The following TMEM178B variants were observed in gnomAD, a reference collection of about 807,000 sequenced individuals.
The protein encoded by TMEM178B is transmembrane protein 178B.
In TMEM178B, 5 loss-of-function variants were observed where a neutral mutation model predicts 31.0. The observed-to-expected ratio is 0.16, with a 90% confidence interval of 0.08 to 0.34. The LOEUF (loss-of-function observed/expected upper bound fraction) is 0.34, where lower values mean the gene tolerates loss of function less well. Ranked by LOEUF, TMEM178B falls within the 10% of genes least tolerant of loss-of-function variation. TMEM178B has a pLI of 1.00. For synonymous variants in TMEM178B, 164 were observed against 164.0 expected, an observed-to-expected ratio of 1.00 and a Z score of 0.00; for missense variants, 275 against 400.3, an observed-to-expected ratio of 0.69 and a Z score of 2.67.
intron 3 of TMEM178B, among the ~76,000 whole-genome samples, chr7:141,458,619 CATT>C (rs1802008073): frequency 6.6e-6 from 1 of 151,968 alleles, no homozygotes; most frequent in Non-Finnish European, 1.5e-5. Context: ...AAACAGGAAA[CATT>C]TTTTTTTTGT....
chr7:141,312,068 T>C (rs1201802768), intron 2 of TMEM178B, among the ~76,000 whole-genome samples: 3 of 152,248 alleles, frequency 2.0e-5, no homozygotes, highest in Non-Finnish European at 2.9e-5. Flanking sequence ...CTCTACTCTG[T>C]AAGACCTCCT....
chr7:141,082,066 A>T (rs549405502), intron 1 of TMEM178B, among the ~76,000 whole-genome samples: 1 of 152,366 alleles, frequency 6.6e-6, no homozygotes, highest in East Asian at 1.9e-4. Context: ...GCCTTGGAGC[A>T]ATAGGCTATA....
chr7:141,177,429 G>A (rs1471542847), intron 1 of TMEM178B, among the ~76,000 whole-genome samples: 1 of 152,132 alleles, frequency 6.6e-6, no homozygotes, highest in Non-Finnish European at 1.5e-5. Flanking sequence ...TGTTGATTTG[G>A]GGTGGAGAGT....
At chr7:141,153,022 A>T (rs553762629) in intron 1 of TMEM178B, among the ~76,000 whole-genome samples, 1 of 152,362 alleles carries the variant, frequency 6.6e-6, no homozygotes, top group East Asian at 1.9e-4. Context: ...ATGGCTGATA[A>T]ATCGTGGAAC....
At chr7:141,237,922 C>T (rs897548231) in intron 2 of TMEM178B, among the ~76,000 whole-genome samples, 1 of 151,078 alleles carries the variant, frequency 6.6e-6, no homozygotes, top group South Asian at 2.1e-4. Context: ...ACTCGGGAGG[C>T]TGAGGCAGGA....
intron 2 of TMEM178B, among the ~76,000 whole-genome samples, chr7:141,404,862 G>A (rs1476857863): frequency 6.6e-6 from 1 of 152,122 alleles, no homozygotes; most frequent in African/African-American, 2.4e-5. Flanking sequence ...TGAGATCCAG[G>A]TATCCTGATG....
At chr7:141,248,075 G>A (rs535973598) in intron 2 of TMEM178B, among the ~76,000 whole-genome samples, 3 of 151,458 alleles carry the variant, frequency 2.0e-5, no homozygotes, top group Non-Finnish European at 2.9e-5. Flanking sequence ...CATTCTGCAA[G>A]TTGTTTCTTA....
intron 2 of TMEM178B, among the ~76,000 whole-genome samples, chr7:141,217,321 G>C (rs1797172862): frequency 1.3e-5 from 2 of 152,226 alleles, no homozygotes; most frequent in African/African-American, 4.8e-5. Context: ...ACAACAAGGG[G>C]AGGTGGCTGA....
intron 2 of TMEM178B, among the ~76,000 whole-genome samples, chr7:141,436,055 T>C (rs1000171107): frequency 3.9e-5 from 6 of 152,116 alleles, no homozygotes; most frequent in Non-Finnish European, 4.4e-5. Context: ...CAGTGTCTGA[T>C]GGTCAATGTC....
At chr7:141,132,725 G>A (rs905660570) in intron 1 of TMEM178B, among the ~76,000 whole-genome samples, 6 of 152,166 alleles carry the variant, frequency 3.9e-5, no homozygotes, top group African/African-American at 1.2e-4. Context: ...ACACACCCAA[G>A]CCACCATTGC....
chr7:141,488,113 A>G, the TMEM178B span, among the ~76,000 whole-genome samples: 2 of 152,202 alleles, frequency 1.3e-5, no homozygotes, highest in African/African-American at 2.4e-5. Flanking sequence ...TATATCTACA[A>G]GGTGAGTGGG....
chr7:141,114,776 G>T (rs938047759), intron 1 of TMEM178B, among the ~76,000 whole-genome samples: 1 of 152,200 alleles, frequency 6.6e-6, no homozygotes, highest in South Asian at 2.1e-4. Context: ...CTCAGACTCT[G>T]CTTAAGCGGG....
At chr7:141,346,908 G>A (rs1346581558) in intron 2 of TMEM178B, among the ~76,000 whole-genome samples, 2 of 152,172 alleles carry the variant, frequency 1.3e-5, no homozygotes, top group Admixed American at 6.5e-5. Context: ...GGGGCCTGAT[G>A]GGAGGTAATT....
intron 1 of TMEM178B, among the ~76,000 whole-genome samples, chr7:141,210,395 G>A (rs906495591): frequency 4.6e-4 from 70 of 152,170 alleles, no homozygotes; most frequent in African/African-American, 1.6e-3. Flanking sequence ...CCCGGGAGGC[G>A]GAGGTTGTGG....
At chr7:141,379,924 G>A (rs1800284583) in intron 2 of TMEM178B, among the ~76,000 whole-genome samples, 1 of 152,064 alleles carries the variant, frequency 6.6e-6, no homozygotes, top group African/African-American at 2.4e-5. Context: ...AATTCTACCA[G>A]AAAATCCTTT....
chr7:141,343,923 A>T (rs1161378962), intron 2 of TMEM178B, among the ~76,000 whole-genome samples: 1 of 152,130 alleles, frequency 6.6e-6, no homozygotes, highest in Admixed American at 6.5e-5. Context: ...CAAGCCCCTG[A>T]TCTCCTGTTG....
At chr7:141,215,473 G>A (rs531513742) in intron 2 of TMEM178B, among the ~76,000 whole-genome samples, 3 of 151,976 alleles carry the variant, frequency 2.0e-5, no homozygotes, top group Non-Finnish European at 2.9e-5. Context: ...CTACAGGCGT[G>A]TGCCACCATG....
chr7:141,417,481 C>A (rs1801119921), intron 2 of TMEM178B, among the ~76,000 whole-genome samples: 1 of 152,230 alleles, frequency 6.6e-6, no homozygotes, highest in African/African-American at 2.4e-5. Context: ...AGTGAATGAA[C>A]AAATGAATGA....
intron 2 of TMEM178B, 68 bp downstream of exon 2, chr7:141,212,772 T>G (rs1050767129): frequency 8.2e-7 from 1 of 1,216,780 alleles, no homozygotes; most frequent in African/African-American, 1.5e-5. Context: ...ATTGGAGGAT[T>G]GGATGTGCCT....
Sources: allele counts gnomAD v4.1 joint callset (sites outside exome capture counted in the v4.1 genomes callset), GRCh38; gene constraint gnomAD v4.1.1; transcripts MANE v1.5; gene names NCBI Gene and HGNC (gene_info 2026-07-23, HGNC 2026-07-21).